The following SRGAP3 variants were observed in gnomAD, a reference collection of about 807,000 sequenced individuals.
SRGAP3 encodes the protein SLIT-ROBO Rho GTPase-activating protein 3.
A neutral mutation model predicts 121.1 loss-of-function variants in SRGAP3; 39 were observed. That is an observed-to-expected ratio of 0.32 (90% CI 0.25 to 0.42). The LOEUF is 0.42. Among genes scored for constraint, SRGAP3 ranks in the 10% least tolerant of loss-of-function variants. The pLI is 1.00. For synonymous variants in SRGAP3, 601 were observed against 570.0 expected, an observed-to-expected ratio of 1.05 and a Z score of -0.77; for missense variants, 1,213 against 1,470.6, an observed-to-expected ratio of 0.82 and a Z score of 2.86.
chr3:9,297,543 A>C (rs1348901600), intron 3 of SRGAP3, among the ~76,000 whole-genome samples: 1 of 152,110 alleles, frequency 6.6e-6, no homozygotes, highest in African/African-American at 2.4e-5. Flanking sequence ...TAACAAGATA[A>C]TTAAAATAAG....
rs1946321227 is a variant in SRGAP3 at position 9,064,380 on chromosome 3, C to T, written c.672+16G>A. On this transcript the variant is annotated intron_variant, in intron 5 of 21. Transcript: ENST00000383836. ...GCCCTGTCCCCAATCGCTCCCAGCC[C>T]AGGGCCCCCACTCACCTTCTCCTTC... The T allele has an allele frequency of 6.2e-7, 1 of 1,614,092 alleles. No homozygotes were observed. The highest frequency in any genetic ancestry group is 1.7e-5 in the Admixed American group (1 of 60,012).
At chr3:9,173,674 C>T (rs772382721) in intron 1 of SRGAP3, among the ~76,000 whole-genome samples, 5 of 152,054 alleles carry the variant, frequency 3.3e-5, no homozygotes, top group African/African-American at 7.2e-5. Context: ...GTTACTTCTG[C>T]CTGGACCCTC....
intron 1 of SRGAP3, among the ~76,000 whole-genome samples, chr3:9,181,270 G>T (rs557014070): frequency 6.6e-6 from 1 of 152,288 alleles, no homozygotes; most frequent in South Asian, 2.1e-4. Context: ...GAAATTTCCA[G>T]CATAGGCCAT....
At chr3:9,271,699 A>G (rs532210168) in intron 3 of SRGAP3, among the ~76,000 whole-genome samples, 19 of 152,304 alleles carry the variant, frequency 1.2e-4, no homozygotes, top group East Asian at 3.9e-4. Context: ...ATTGAACATA[A>G]AGTGCCCCAT....
chr3:9,288,903 C>T (rs1011722188), intron 3 of SRGAP3, among the ~76,000 whole-genome samples: 2 of 148,710 alleles, frequency 1.3e-5, no homozygotes, highest in African/African-American at 5.0e-5. Context: ...CAGTTTAATT[C>T]TTTCTTTTTT....
chr3:9,288,136 T>G (rs914665461), intron 3 of SRGAP3, among the ~76,000 whole-genome samples: 6 of 150,548 alleles, frequency 4.0e-5, no homozygotes, highest in Non-Finnish European at 7.4e-5. Context: ...CTTTGTTTTT[T>G]TTTTTTTTTT....
chr3:9,356,732 TC>T (rs2030537162), intron 1 of SRGAP3, among the ~76,000 whole-genome samples: 1 of 151,808 alleles, frequency 6.6e-6, no homozygotes, highest in African/African-American at 2.4e-5. Context: ...GGTCTCAAAC[TC>T]CTGAGCTCAA....
chr3:9,123,390 CATACACAATACACATACAT>C (rs1949092019), intron 2 of SRGAP3, among the ~76,000 whole-genome samples: 2 of 56,288 alleles, frequency 3.6e-5, no homozygotes, highest in Non-Finnish European at 8.9e-5. Flanking sequence ...TATATATATA[CATACACAATACACATACAT>C]ACACATACAT....
intron 3 of SRGAP3, among the ~76,000 whole-genome samples, chr3:9,084,415 G>C (rs138714691): frequency 3.9e-5 from 6 of 152,262 alleles, no homozygotes; most frequent in African/African-American, 1.4e-4. Flanking sequence ...TTTCTACTGA[G>C]TGCTGGCAAA....
chr3:9,298,438 C>T (rs986890083), intron 3 of SRGAP3, among the ~76,000 whole-genome samples: 4 of 152,208 alleles, frequency 2.6e-5, no homozygotes, highest in Admixed American at 6.5e-5. Context: ...AAACACCCTA[C>T]ATAATGCTGC....
intron 3 of SRGAP3, among the ~76,000 whole-genome samples, chr3:9,080,671 G>A (rs546500934): frequency 6.7e-4 from 102 of 152,306 alleles, no homozygotes; most frequent in Middle Eastern, 3.4e-3. Flanking sequence ...AGCGGTGGGT[G>A]AGCGGGCATT....
At chr3:9,170,298 C>T (rs1195630459) in intron 1 of SRGAP3, among the ~76,000 whole-genome samples, 2 of 152,194 alleles carry the variant, frequency 1.3e-5, no homozygotes, top group Non-Finnish European at 2.9e-5. Flanking sequence ...GAACTCCATA[C>T]ACTTGAGACT....
At chr3:9,314,117 A>C (rs761007724) in intron 3 of SRGAP3, among the ~76,000 whole-genome samples, 1 of 152,236 alleles carries the variant, frequency 6.6e-6, no homozygotes, top group African/African-American at 2.4e-5. Flanking sequence ...AGTGCCTGGA[A>C]TAGCACTTGA....
chr3:9,283,357 T>C (rs934250973), intron 3 of SRGAP3, among the ~76,000 whole-genome samples: 7 of 152,256 alleles, frequency 4.6e-5, no homozygotes, highest in African/African-American at 1.4e-4. Flanking sequence ...GGATTTTTTC[T>C]TATGCATGAT....
intron 6 of SRGAP3, chr3:9,058,693 A>T: frequency 1.7e-5 from 8 of 482,340 alleles, no homozygotes; most frequent in East Asian, 3.6e-5. Flanking sequence ...GGTTCCCTAT[A>T]TTCACCATCT....
At chr3:9,049,569 A>G (rs1374347928) in intron 9 of SRGAP3, 5 of 448,692 alleles carry the variant, frequency 1.1e-5, no homozygotes, top group Non-Finnish European at 2.2e-5. Context: ...CCCCAGTGTA[A>G]ACTGAGAGTA....
intron 1 of SRGAP3, among the ~76,000 whole-genome samples, chr3:9,355,285 T>C (rs2030434091): frequency 6.6e-6 from 1 of 152,248 alleles, no homozygotes; most frequent in Admixed American, 6.5e-5. Flanking sequence ...CATCTCTCAC[T>C]TGGACCAATG....
intron 3 of SRGAP3, among the ~76,000 whole-genome samples, chr3:9,315,974 G>C (rs1955337716): frequency 6.6e-6 from 1 of 152,216 alleles, no homozygotes; most frequent in South Asian, 2.1e-4. Flanking sequence ...ATTTTGCTCT[G>C]TCAAATACTT....
chr3:9,027,485 C>T (rs1352111791), intron 12 of SRGAP3, among the ~76,000 whole-genome samples: 1 of 152,132 alleles, frequency 6.6e-6, no homozygotes, highest in Non-Finnish European at 1.5e-5. Flanking sequence ...ATTTTGAGCT[C>T]TAAGAAAAGA....
Sources: allele counts gnomAD v4.1 joint callset (sites outside exome capture counted in the v4.1 genomes callset), GRCh38; gene constraint gnomAD v4.1.1; transcripts MANE v1.5; gene names NCBI Gene and HGNC (gene_info 2026-07-23, HGNC 2026-07-21).